The following PRKAR1B variants were observed in gnomAD, a reference collection of about 807,000 sequenced individuals.
The protein encoded by PRKAR1B is cAMP-dependent protein kinase type I-beta regulatory subunit.
In PRKAR1B, 22 loss-of-function variants were observed where a neutral mutation model predicts 46.5. The ratio of observed to expected loss-of-function variants is 0.47; its 90% CI spans 0.34 to 0.68. The LOEUF (loss-of-function observed/expected upper bound fraction) is 0.68, where lower values mean the gene tolerates loss of function less well. Ranked by LOEUF, PRKAR1B falls within the 30% of genes least tolerant of loss-of-function variation. The probability of loss-of-function intolerance (pLI) is 0.01; values close to 1 mark genes in which losing one functional copy is unlikely to be tolerated. For missense variants in PRKAR1B, 445 were observed against 535.6 expected (o/e 0.83, Z 1.67); for synonymous variants, 259 against 217.7 (o/e 1.19, Z -1.67).
At chr7:702,458 A>C (rs1439902713) in intron 2 of PRKAR1B, among the ~76,000 whole-genome samples, 1 of 152,220 alleles carries the variant, frequency 6.6e-6, no homozygotes, top group Non-Finnish European at 1.5e-5. Flanking sequence ...AACTTGCCAA[A>C]TTTCTTGAAG....
At chr7:553,338 C>G (rs975942158) in intron 9 of PRKAR1B, among the ~76,000 whole-genome samples, 1 of 152,238 alleles carries the variant, frequency 6.6e-6, no homozygotes, top group Non-Finnish European at 1.5e-5. Flanking sequence ...CTCAGACACT[C>G]CCCGAATTCC....
chr7:719,426 G>A (rs1368480968), intron 1 of PRKAR1B, among the ~76,000 whole-genome samples: 1 of 152,136 alleles, frequency 6.6e-6, no homozygotes, highest in African/African-American at 2.4e-5. Flanking sequence ...CAATCCTCCT[G>A]CCTCAGCCTC....
intron 4 of PRKAR1B, among the ~76,000 whole-genome samples, chr7:629,353 C>A (rs1253321166): frequency 6.9e-6 from 1 of 145,562 alleles, no homozygotes; most frequent in African/African-American, 2.6e-5. Flanking sequence ...GCACCACCAC[C>A]CCAAGGCTGG....
At chr7:707,942 C>A (rs1483063353) in intron 2 of PRKAR1B, among the ~76,000 whole-genome samples, 1 of 151,838 alleles carries the variant, frequency 6.6e-6, no homozygotes, top group Non-Finnish European at 1.5e-5. Context: ...CCTTCTCCCA[C>A]ACGGACCCAG....
At chr7:715,443 C>G (rs1401421532) in intron 1 of PRKAR1B, among the ~76,000 whole-genome samples, 1 of 152,056 alleles carries the variant, frequency 6.6e-6, no homozygotes, top group African/African-American at 2.4e-5. Flanking sequence ...GGTGACAAAC[C>G]CTGACGTGTG....
At chr7:614,324 A>T (rs1782687115) in intron 4 of PRKAR1B, among the ~76,000 whole-genome samples, 2 of 152,262 alleles carry the variant, frequency 1.3e-5, no homozygotes, top group African/African-American at 4.8e-5. Context: ...GCTAAGACCC[A>T]GGTCTTCTGA....
intron 9 of PRKAR1B, among the ~76,000 whole-genome samples, chr7:569,688 C>T (rs1048455505): frequency 1.3e-5 from 2 of 152,200 alleles, no homozygotes; most frequent in Non-Finnish European, 2.9e-5. Context: ...GAGCCTGCCC[C>T]AGCAGGGTCT....
At chr7:670,750 G>C (rs1338879665) in intron 4 of PRKAR1B, among the ~76,000 whole-genome samples, 2 of 150,410 alleles carry the variant, frequency 1.3e-5, no homozygotes, top group Non-Finnish European at 3.0e-5. Context: ...CGGCCCCCGA[G>C]CTCCCCCACG....
intron 4 of PRKAR1B, among the ~76,000 whole-genome samples, chr7:677,004 G>GGGGGC (rs1778361121): frequency 1.3e-5 from 2 of 151,616 alleles, no homozygotes; most frequent in African/African-American, 4.8e-5. Context: ...CCACCTCCCG[G>GGGGGC]AGGGCAAGGA....
At position 680,562 on chromosome 7, in the gene PRKAR1B, G is replaced by T; in HGVS notation, c.342C>A (p.Val114=). The T allele has an allele frequency of 1.9e-6, 3 of 1,608,882 alleles. No individual in the cohort carries two copies. Among genetic ancestry groups the T allele is most frequent in the African/African-American group, 1.3e-5 (1 of 74,810 alleles). ...VYTEEDAVSY[V]RKVIPKDYKT... is the part of the protein sequence containing the mutation. Reference sequence around the variant, plus strand: ...CGTGACCCGTGAGCCTCACCTTCCTGACGTAGGACACGGCGTCCTCCTCGG... The same window carrying T: ...CGTGACCCGTGAGCCTCACCTTCCTTACGTAGGACACGGCGTCCTCCTCGG... The change falls in exon 3 of 11, where the codon GTC becomes GTA. Residue 114 remains valine, a synonymous_variant. Transcript: ENST00000537384.
chr7:680,858 TACGGTTA>T, intron 2 of PRKAR1B, 132 bp from the exon 3 acceptor site: 1 of 1,048,032 alleles, frequency 9.5e-7, no homozygotes. Context: ...GAGTTGGACA[TACGGTTA>T]GGCTTTGTGT....
intron 2 of PRKAR1B, among the ~76,000 whole-genome samples, chr7:688,804 T>C (rs1779246893): frequency 6.6e-6 from 1 of 152,206 alleles, no homozygotes; most frequent in African/African-American, 2.4e-5. Context: ...CTGACGTATT[T>C]TGCGTCTTAA....
At chr7:564,901 C>T (rs1472995523) in intron 9 of PRKAR1B, among the ~76,000 whole-genome samples, 1 of 152,186 alleles carries the variant, frequency 6.6e-6, no homozygotes, top group Admixed American at 6.5e-5. Flanking sequence ...TATTTTTCCA[C>T]CATCCCTGAG....
intron 3 of PRKAR1B, among the ~76,000 whole-genome samples, chr7:678,595 G>A (rs956867460): frequency 6.6e-6 from 1 of 152,242 alleles, no homozygotes; most frequent in African/African-American, 2.4e-5. Context: ...AAACCACGCA[G>A]GAAGGTCATT....
intron 9 of PRKAR1B, among the ~76,000 whole-genome samples, chr7:552,678 GC>G (rs1440861346): frequency 6.6e-6 from 1 of 152,106 alleles, no homozygotes; most frequent in Non-Finnish European, 1.5e-5. Flanking sequence ...GAACTCACTG[GC>G]CCCCCGCACC....
At chr7:567,852 G>A (rs1779272555) in intron 9 of PRKAR1B, among the ~76,000 whole-genome samples, 1 of 152,122 alleles carries the variant, frequency 6.6e-6, no homozygotes, top group Non-Finnish European at 1.5e-5. Flanking sequence ...GGAGAAGGGT[G>A]GTTCTACTTT....
At chr7:641,700 C>G (rs769341869) in intron 4 of PRKAR1B, among the ~76,000 whole-genome samples, 3 of 152,006 alleles carry the variant, frequency 2.0e-5, no homozygotes, top group Non-Finnish European at 2.9e-5. Context: ...CAAAAAACAC[C>G]CTGAGTGAAA....
At chr7:581,893 A>C (rs560461988) in intron 8 of PRKAR1B, among the ~76,000 whole-genome samples, 1 of 152,096 alleles carries the variant, frequency 6.6e-6, no homozygotes, top group Non-Finnish European at 1.5e-5. Flanking sequence ...CTTTTTAAAA[A>C]TTTTTTGGAG....
chr7:660,420 C>A (rs1583373730), intron 4 of PRKAR1B, among the ~76,000 whole-genome samples: 1 of 150,340 alleles, frequency 6.7e-6, no homozygotes, highest in Admixed American at 6.6e-5. Context: ...ACCTACTCTC[C>A]CCCCAGTGCC....
Sources: gnomAD v4.1 joint callset for allele counts (sites outside exome capture counted in the v4.1 genomes callset) on GRCh38, gnomAD v4.1.1 for gene constraint, MANE v1.5 for transcripts, NCBI Gene and HGNC (gene_info 2026-07-23, HGNC 2026-07-21) for gene names.